PTPN13: variants seen among roughly 807,000 people sequenced by gnomAD.
PTPN13 encodes the protein protein tyrosine phosphatase non-receptor type 13.
PTPN13 carries 191 observed loss-of-function variants against 284.0 expected under a neutral mutation model. The ratio of observed to expected loss-of-function variants is 0.67; its 90% CI spans 0.60 to 0.76. The LOEUF (loss-of-function observed/expected upper bound fraction) is 0.76, where lower values mean the gene tolerates loss of function less well. PTPN13 is among the 30% of genes least tolerant of loss of function. The pLI is 0.00. For missense variants in PTPN13, 2,797 were observed against 2,939.9 expected (o/e 0.95, Z 1.12); for synonymous variants, 986 against 1,022.3 (o/e 0.96, Z 0.68).
chr4:86,765,126 G>A (rs1242332895), intron 25 of PTPN13, among the ~76,000 whole-genome samples: 1 of 152,172 alleles, frequency 6.6e-6, no homozygotes, highest in Non-Finnish European at 1.5e-5. Context: ...TTGTAAACAT[G>A]TTAGTATCTT....
chr4:86,659,849 A>G lies in PTPN13; in HGVS notation c.116-12516A>G, dbSNP rs528674130. 2.0e-4 allele frequency among the ~76,000 whole-genome samples: 31 copies of G among 152,224 alleles called. No individual in the cohort carries two copies. The South Asian group carries it at 3.1e-3, about 15-fold the overall frequency. ...CAACCACAACAACAACAGAAAAAAA[A>G]AAAAGAAAAAAACTTAAAAGCCACA... On this transcript the variant is annotated intron_variant, in intron 2 of 47. Transcript: ENST00000411767.
At chr4:86,596,219 A>G (rs1442376782) in intron 1 of PTPN13, among the ~76,000 whole-genome samples, 1 of 152,202 alleles carries the variant, frequency 6.6e-6, no homozygotes, top group African/African-American at 2.4e-5. Context: ...TGTTAAGAAA[A>G]GGACTGATTT....
chr4:86,632,185 A>G (rs1722540009), intron 1 of PTPN13, among the ~76,000 whole-genome samples: 1 of 152,164 alleles, frequency 6.6e-6, no homozygotes, highest in Admixed American at 6.6e-5. Context: ...TAGTCAGTAT[A>G]TTAATCAACC....
chr4:86,664,843 T>G (rs1188070939), intron 2 of PTPN13, among the ~76,000 whole-genome samples: 2 of 152,230 alleles, frequency 1.3e-5, no homozygotes, highest in Non-Finnish European at 2.9e-5. Context: ...ATTTCTTTCA[T>G]GCTACTTGAA....
intron 1 of PTPN13, among the ~76,000 whole-genome samples, chr4:86,606,785 A>G (rs969561083): frequency 1.3e-5 from 2 of 151,828 alleles, no homozygotes; most frequent in African/African-American, 4.8e-5. Context: ...GCATAAAGTC[A>G]CCTAGTTGCT....
Position 86,758,928 on chromosome 4 carries a change from G to A in PTPN13, c.3422-14G>A, listed in dbSNP as rs1309112887. On this transcript the variant is annotated splice_polypyrimidine_tract_variant and intron_variant, in intron 22 of 47. Coordinates refer to ENST00000411767, the MANE Select transcript of PTPN13 (RefSeq NM_080683.3). Reference sequence around the variant, plus strand: ...TCTTTGTTGTTGAAAATACTGGATTGTCTATTTGTACAGGAGACCGTTTGA... The same window carrying A: ...TCTTTGTTGTTGAAAATACTGGATTATCTATTTGTACAGGAGACCGTTTGA... The A allele has an allele frequency of 6.8e-6, 11 of 1,608,104 alleles. No homozygotes were observed. In the Middle Eastern group the frequency reaches 9.9e-4, roughly 145 times the overall value.
At chr4:86,787,482 C>A (rs988546437) in intron 40 of PTPN13, among the ~76,000 whole-genome samples, 7 of 151,996 alleles carry the variant, frequency 4.6e-5, no homozygotes, top group African/African-American at 1.4e-4. Flanking sequence ...ATCCCAGCTA[C>A]TCGGGAGGCT....
intron 17 of PTPN13, among the ~76,000 whole-genome samples, chr4:86,748,253 T>C (rs1281998190): frequency 6.6e-6 from 1 of 152,184 alleles, no homozygotes; most frequent in African/African-American, 2.4e-5. Flanking sequence ...TTGCAGACAG[T>C]GTGGAGCTAG....
intron 2 of PTPN13, among the ~76,000 whole-genome samples, chr4:86,645,728 C>T (rs1170045625): frequency 1.3e-5 from 2 of 152,056 alleles, no homozygotes; most frequent in Admixed American, 6.5e-5. Context: ...GTTCCTGTAT[C>T]GAGAGACTCA....
intron 7 of PTPN13, among the ~76,000 whole-genome samples, chr4:86,705,333 C>CAAAAAAAAAAA (rs759784072): frequency 2.1e-5 from 2 of 95,350 alleles, no homozygotes; most frequent in Non-Finnish European, 4.3e-5. Context: ...GACTCCGTCT[C>CAAAAAAAAAAA]AAAAAAAAAA....
chr4:86,796,075 G>A (rs1006121273), intron 40 of PTPN13, among the ~76,000 whole-genome samples: 1 of 152,108 alleles, frequency 6.6e-6, no homozygotes, highest in African/African-American at 2.4e-5. Flanking sequence ...CTTTCTAATT[G>A]TAGCAAACTG....
At chr4:86,777,860 A>G (rs1347052750) in intron 35 of PTPN13, among the ~76,000 whole-genome samples, 2 of 152,162 alleles carry the variant, frequency 1.3e-5, no homozygotes, top group African/African-American at 2.4e-5. Flanking sequence ...TCATAGATCT[A>G]CTTGAATGTT....
In PTPN13 at chr4:86,677,221, C is replaced by T. The variant is rs190788841; in HGVS notation, c.294+4678C>T. On this transcript the variant is annotated intron_variant, in intron 3 of 47. Coordinates refer to ENST00000411767, the MANE Select transcript of PTPN13 (RefSeq NM_080683.3). ...GGCAGAGCTTGCAGTGAGCGGAGAT[C>T]GCGCCACTGCACTCCAACCTGGGCA... 5.4e-3 allele frequency among the ~76,000 whole-genome samples: 825 copies of T among 151,676 alleles called. 6 individuals carry two copies. The highest frequency in any genetic ancestry group is 0.018 in the African/African-American group (725 of 41,400).
chr4:86,770,620 A>C (rs1330028432), intron 30 of PTPN13, among the ~76,000 whole-genome samples: 3 of 152,216 alleles, frequency 2.0e-5, no homozygotes, highest in Non-Finnish European at 4.4e-5. Context: ...AAAGTGAATG[A>C]AACTCTCTTG....
chr4:86,735,187 C>T (rs1027657093), intron 14 of PTPN13, among the ~76,000 whole-genome samples: 1 of 152,132 alleles, frequency 6.6e-6, no homozygotes, highest in Non-Finnish European at 1.5e-5. Flanking sequence ...TTAAAAGGAT[C>T]TCCTGCCTTC....
At chr4:86,796,450 C>T (rs1461930737) in intron 40 of PTPN13, among the ~76,000 whole-genome samples, 1 of 151,766 alleles carries the variant, frequency 6.6e-6, no homozygotes, top group Admixed American at 6.6e-5. Context: ...GCCTGGGCAA[C>T]ATAGTGAGAT....
chr4:86,740,362 C>T (rs1306869178), intron 15 of PTPN13, among the ~76,000 whole-genome samples: 2 of 152,226 alleles, frequency 1.3e-5, no homozygotes, highest in African/African-American at 4.8e-5. Flanking sequence ...TCTCTGCACT[C>T]ACAGGCTCAA....
At chr4:86,749,180 A>G (rs1253066661) in intron 17 of PTPN13, among the ~76,000 whole-genome samples, 1 of 152,106 alleles carries the variant, frequency 6.6e-6, no homozygotes, top group African/African-American at 2.4e-5. Context: ...TAATCTTCCT[A>G]GGAAGTAGAA....
chr4:86,636,566 A>G (rs1357884618), intron 2 of PTPN13, among the ~76,000 whole-genome samples: 1 of 152,230 alleles, frequency 6.6e-6, no homozygotes, highest in Non-Finnish European at 1.5e-5. Flanking sequence ...TACCAGCAAC[A>G]TTAGCATCTT....
Sources: gnomAD v4.1 joint callset for allele counts (sites outside exome capture counted in the v4.1 genomes callset) on GRCh38, gnomAD v4.1.1 for gene constraint, MANE v1.5 for transcripts, NCBI Gene and HGNC (gene_info 2026-07-23, HGNC 2026-07-21) for gene names.